CHD1L: variants seen among roughly 807,000 people sequenced by gnomAD.
CHD1L encodes ATP-dependent chromatin remodeler CHD1L.
A neutral mutation model predicts 115.9 loss-of-function variants in CHD1L; 118 were observed. The ratio of observed to expected loss-of-function variants is 1.02; its 90% CI spans 0.88 to 1.19. The LOEUF (loss-of-function observed/expected upper bound fraction) is 1.19. Among genes scored for constraint, CHD1L ranks in the 50% most tolerant of loss-of-function variants. The pLI, the probability that CHD1L is intolerant of heterozygous loss-of-function variation, is 0.00. For missense variants in CHD1L, 1,179 were observed against 1,065.3 expected (o/e 1.11, Z -1.49); for synonymous variants, 411 against 387.1 (o/e 1.06, Z -0.72).
At chr1:147,201,513 C>T in the CHD1L span, 31 of 1,599,002 alleles carry the variant, frequency 1.9e-5, no homozygotes, top group Non-Finnish European at 2.4e-5. Flanking sequence ...CTCTGTGAGT[C>T]GTGACAAAGA....
chr1:147,194,572 CT>C, the CHD1L span, among the ~76,000 whole-genome samples: 5 of 152,098 alleles, frequency 3.3e-5, no homozygotes, highest in Admixed American at 6.5e-5. Context: ...GGTTATTTTG[CT>C]TGTTAGTTGA....
chr1:147,279,472 A>T (rs1461714319), intron 14 of CHD1L, among the ~76,000 whole-genome samples: 5 of 152,142 alleles, frequency 3.3e-5, no homozygotes, highest in Middle Eastern at 3.2e-3. Context: ...CAAACTGAGA[A>T]AAGGCCTTCG....
chr1:147,193,712 G>A, the CHD1L span, among the ~76,000 whole-genome samples: 1 of 152,080 alleles, frequency 6.6e-6, no homozygotes, highest in African/African-American at 2.4e-5. Context: ...TTGTGTCTTT[G>A]TTCCCATTGG....
intron 17 of CHD1L, 151 bp from the exon 18 acceptor site, chr1:147,286,147 G>T: frequency 1.4e-6 from 1 of 715,008 alleles, no homozygotes; most frequent in South Asian, 1.9e-5. Flanking sequence ...AGTAAGACTT[G>T]TTTACAAATA....
At chr1:147,220,060 G>A in the CHD1L span, among the ~76,000 whole-genome samples, 15 of 151,956 alleles carry the variant, frequency 9.9e-5, no homozygotes, top group Non-Finnish European at 1.8e-4. Flanking sequence ...GGCTGGTCTC[G>A]ATCTCCTGAC....
chr1:147,207,632 T>C, the CHD1L span, among the ~76,000 whole-genome samples: 1 of 152,336 alleles, frequency 6.6e-6, no homozygotes, highest in East Asian at 1.9e-4. Context: ...TCAGTTTTTA[T>C]ATTTGTAAAA....
rs587766855 is a variant in CHD1L at position 147,268,994 on chromosome 1, A to G, written c.1085+116A>G. The G allele has an allele frequency of 4.8e-5, 31 of 644,788 alleles. No homozygotes were observed. In the South Asian group the frequency reaches 5.3e-4, roughly 11 times the overall value. 39.9% of individuals were successfully genotyped at this position (644,788 alleles called of 1,614,324 possible). ...AGTTTTCTTTTTTTTCTTAACACTGATTCAGGTTCTGCCTTCTCTGTGACT... is the reference window on the plus strand; with the variant it reads ...AGTTTTCTTTTTTTTCTTAACACTGGTTCAGGTTCTGCCTTCTCTGTGACT... On this transcript the variant is annotated intron_variant, in intron 10 of 22. Transcript: ENST00000369258.
the CHD1L span, chr1:147,174,720 C>T: frequency 7.5e-4 from 113 of 151,174 alleles, no homozygotes; most frequent in Admixed American, 6.4e-3. Context: ...TTCTTAGATT[C>T]GGGAATAAGT....
intron 15 of CHD1L, among the ~76,000 whole-genome samples, chr1:147,283,966 A>G (rs965014559): frequency 3.7e-4 from 56 of 152,234 alleles, no homozygotes; most frequent in African/African-American, 1.4e-3. Context: ...GCCAAGCTGA[A>G]TATTAAAAGT....
the CHD1L span, among the ~76,000 whole-genome samples, chr1:147,219,566 TG>T: frequency 2.6e-5 from 4 of 152,166 alleles, no homozygotes; most frequent in East Asian, 7.8e-4. Context: ...CCCCTAAGAC[TG>T]GGAACAAGGT....
chr1:147,178,917 C>G, the CHD1L span: 1 of 1,583,104 alleles, frequency 6.3e-7, no homozygotes, highest in Non-Finnish European at 8.7e-7. Flanking sequence ...ATGATGTGGA[C>G]TATGAAAAGA....
chr1:147,209,101 T>C, the CHD1L span: 4 of 1,501,882 alleles, frequency 2.7e-6, no homozygotes, highest in Non-Finnish European at 3.7e-6. Context: ...TTCGTAAACC[T>C]TCAAAAGCAC....
Position 147,267,515 on chromosome 1 carries a change from G to C in CHD1L, c.985G>C (p.Asp329His), listed in dbSNP as rs1418948373. The C allele has an allele frequency of 1.9e-6, 3 of 1,609,890 alleles. No individual in the cohort carries two copies. Among genetic ancestry groups the C allele is most frequent in the Non-Finnish European group, 2.5e-6 (3 of 1,177,508 alleles). ...RKCVDHPYLF[D>H]GVEPEPFEVG... ...GTGTGTGGATCACCCATATTTGTTTGATGGTGAGACAGTGCCTTTTCCCCC... is the reference window on the plus strand; with the variant it reads ...GTGTGTGGATCACCCATATTTGTTTCATGGTGAGACAGTGCCTTTTCCCCC... The change falls in exon 9 of 23, where the codon GAT becomes CAT. Residue 329 changes from aspartate (D) to histidine (H), a missense_variant. Asp to His is a moderately conservative substitution (Grantham distance 81). Coordinates refer to ENST00000369258, the MANE Select transcript of CHD1L (RefSeq NM_004284.6).
the CHD1L span, chr1:147,215,733 G>C: frequency 1.3e-6 from 2 of 1,550,566 alleles, no homozygotes; most frequent in Non-Finnish European, 1.8e-6. Flanking sequence ...CAAACACAAA[G>C]ATACCCACAC....
In CHD1L at chr1:147,284,509, GTTAAT is replaced by G; in HGVS notation, c.1854+14_1854+18del. The G allele has an allele frequency of 6.4e-7, 1 of 1,556,476 alleles. No individual in the cohort carries two copies. The highest frequency in any genetic ancestry group is 1.2e-5 in the South Asian group (1 of 81,998). ...CCGAAATAAAGGCAGTGTAAGAACTGTTAATTTATTTAAAAGTTGTTCTTCCAAAC... is the reference window on the plus strand; with the variant it reads ...CCGAAATAAAGGCAGTGTAAGAACTGTTATTTAAAAGTTGTTCTTCCAAAC... On this transcript the variant is annotated intron_variant, in intron 16 of 22. Transcript: ENST00000369258.
At chr1:147,175,998 T>G in the CHD1L span, 1 of 150,470 alleles carries the variant, frequency 6.6e-6, no homozygotes, top group Non-Finnish European at 1.5e-5. Flanking sequence ...ATGAAGAAAT[T>G]TTGAAGGGGA....
intron 12 of CHD1L, among the ~76,000 whole-genome samples, chr1:147,272,658 C>T (rs1676689303): frequency 6.6e-6 from 1 of 152,128 alleles, no homozygotes; most frequent in Non-Finnish European, 1.5e-5. Flanking sequence ...AGTTGTCCTT[C>T]CTCTATAAGT....
chr1:147,291,667 A>AT (rs1553970671), intron 20 of CHD1L, 115 bp downstream of exon 20: 5 of 783,944 alleles, frequency 6.4e-6, no homozygotes. Context: ...TAGGGCTGCC[A>AT]TAACAAAAAG....
chr1:147,271,804 C>T (rs1045675997), intron 11 of CHD1L, among the ~76,000 whole-genome samples: 1 of 152,180 alleles, frequency 6.6e-6, no homozygotes, highest in Non-Finnish European at 1.5e-5. Context: ...GGCTCACTCA[C>T]CTGCCTCCAA....
Sources: gnomAD v4.1 joint callset for allele counts (sites outside exome capture counted in the v4.1 genomes callset) on GRCh38, gnomAD v4.1.1 for gene constraint, MANE v1.5 for transcripts, NCBI Gene and HGNC (gene_info 2026-07-23, HGNC 2026-07-21) for gene names.